The following PDE12 variants were observed in gnomAD, a reference collection of about 807,000 sequenced individuals.
PDE12 encodes the protein phosphodiesterase 12.
Under a neutral mutation model 45.4 loss-of-function variants are expected in PDE12, and 26 were observed. The ratio of observed to expected loss-of-function variants is 0.57; its 90% CI spans 0.42 to 0.79. The LOEUF (loss-of-function observed/expected upper bound fraction) is 0.79. Ranked by LOEUF, PDE12 falls within the 30% of genes least tolerant of loss-of-function variation. PDE12 has a pLI of 0.00. For missense variants in PDE12, 668 were observed against 790.0 expected (o/e 0.85, Z 1.85); for synonymous variants, 283 against 323.9 (o/e 0.87, Z 1.36).
At chr3:57,649,705 C>T in the PDE12 span, among the ~76,000 whole-genome samples, 1 of 150,190 alleles carries the variant, frequency 6.7e-6, no homozygotes, top group Non-Finnish European at 1.5e-5. Context: ...ATACTTTTCT[C>T]ATCTCCCCTG....
chr3:57,576,506 T>G, the PDE12 span, among the ~76,000 whole-genome samples: 1 of 96,888 alleles, frequency 1.0e-5, no homozygotes. Context: ...CAACCAAGCT[T>G]TTTTTTTTTT....
chr3:57,602,145 A>G, the PDE12 span, among the ~76,000 whole-genome samples: 1 of 152,142 alleles, frequency 6.6e-6, no homozygotes, highest in Non-Finnish European at 1.5e-5. Context: ...AGCACTTACA[A>G]TATGCCATTG....
rs766288857 is a variant in PDE12, at chr3:57,559,290, G to A, written c.1309-20G>A. ...TTTGCAAATGCCAACTGAACTCTTG[G>A]CACTTTCCGTTTATTTTAGGTTTCA... On this transcript the variant is annotated intron_variant, in intron 1 of 2. Coordinates refer to ENST00000311180, the MANE Select transcript of PDE12 (RefSeq NM_177966.7). 5 of 1,574,730 alleles carry A rather than the reference G, an allele frequency of 3.2e-6. No homozygotes were observed. In the South Asian group the frequency reaches 4.5e-5, roughly 14 times the overall value.
At chr3:57,623,089 T>C in the PDE12 span, among the ~76,000 whole-genome samples, 3 of 152,194 alleles carry the variant, frequency 2.0e-5, no homozygotes, top group African/African-American at 7.2e-5. Flanking sequence ...GTATGTCTAT[T>C]GTACCTCAAT....
the PDE12 span, among the ~76,000 whole-genome samples, chr3:57,575,132 G>T: frequency 8.0e-4 from 119 of 149,284 alleles, no homozygotes; most frequent in African/African-American, 2.4e-3. Flanking sequence ...TTACAGGCAT[G>T]AGCCACCGCA....
the PDE12 span, chr3:57,641,628 A>G: frequency 6.3e-7 from 1 of 1,592,162 alleles, no homozygotes; most frequent in Non-Finnish European, 8.6e-7. Flanking sequence ...CACACTAGAA[A>G]CAGAACACCA....
chr3:57,557,568 C>T lies in PDE12; in HGVS notation c.1189C>T (p.His397Tyr). The T allele has an allele frequency of 2.5e-6, 4 of 1,614,132 alleles. No individual in the cohort carries two copies. Among genetic ancestry groups the T allele is most frequent in the Non-Finnish European group, 3.4e-6 (4 of 1,180,050 alleles). The part of the protein sequence containing the change: ...RKSKFSLLSQ[H>Y]DISFYEALES... ...GTCTAAGTTCAGCCTTCTTAGCCAG[C>T]ATGACATTTCATTCTACGAAGCCCT... Residue 397 changes from histidine to tyrosine, a missense_variant, in exon 1 of 3, where the codon CAT (histidine) becomes TAT (tyrosine). This residue lies in a region of PDE12 where 580 missense variants were observed against 662.9 expected (regional missense o/e 0.87). Transcript: ENST00000311180.
the PDE12 span, among the ~76,000 whole-genome samples, chr3:57,572,638 T>C: frequency 6.6e-6 from 1 of 151,994 alleles, no homozygotes; most frequent in Non-Finnish European, 1.5e-5. Flanking sequence ...GCTGTGCCAC[T>C]GCACTCCAGC....
the PDE12 span, among the ~76,000 whole-genome samples, chr3:57,609,463 A>G: frequency 6.6e-6 from 1 of 152,168 alleles, no homozygotes; most frequent in African/African-American, 2.4e-5. Flanking sequence ...TTTTTTTGAA[A>G]AGATCAACAA....
the PDE12 span, chr3:57,628,106 C>CA: frequency 1.0e-5 from 15 of 1,485,052 alleles, no homozygotes; most frequent in Non-Finnish European, 1.2e-5. Context: ...GCATTCATGG[C>CA]AATTTTCCAC....
At chr3:57,599,067 C>T in the PDE12 span, among the ~76,000 whole-genome samples, 6 of 152,052 alleles carry the variant, frequency 3.9e-5, no homozygotes, top group Non-Finnish European at 7.4e-5. Context: ...GATCAGAGCA[C>T]GGTTTGGTTT....
chr3:57,583,138 C>G, the PDE12 span, among the ~76,000 whole-genome samples: 1 of 152,152 alleles, frequency 6.6e-6, no homozygotes, highest in South Asian at 2.1e-4. Flanking sequence ...AGATACCAGA[C>G]CAGTAGTATC....
At chr3:57,611,291 C>T in the PDE12 span, among the ~76,000 whole-genome samples, 3 of 152,098 alleles carry the variant, frequency 2.0e-5, no homozygotes, top group African/African-American at 7.2e-5. Context: ...TAGAAGAAAA[C>T]CTAGGCAATA....
At chr3:57,568,572 A>C (rs1259838154), downstream of PDE12, among the ~76,000 whole-genome samples, 1 of 151,918 alleles carries the variant, frequency 6.6e-6, no homozygotes, top group Non-Finnish European at 1.5e-5. Flanking sequence ...CTCTCCACAA[A>C]AGATACACTT....
the PDE12 span, among the ~76,000 whole-genome samples, chr3:57,649,939 AC>A: frequency 6.6e-6 from 1 of 151,476 alleles, no homozygotes; most frequent in Non-Finnish European, 1.5e-5. Flanking sequence ...ACACACACAC[AC>A]ACCGTGGAAT....
chr3:57,642,449 G>A, the PDE12 span, among the ~76,000 whole-genome samples: 6 of 151,986 alleles, frequency 3.9e-5, no homozygotes, highest in South Asian at 2.1e-4. Context: ...TTTGCCAAGT[G>A]GATGAGAGAG....
the PDE12 span, chr3:57,600,980 AT>A: frequency 6.6e-6 from 1 of 152,176 alleles, no homozygotes; most frequent in Non-Finnish European, 1.5e-5. Flanking sequence ...AAAAATTGCT[AT>A]AGTTTATTGA....
the PDE12 span, among the ~76,000 whole-genome samples, chr3:57,586,225 G>C: frequency 6.6e-6 from 1 of 151,936 alleles, no homozygotes; most frequent in Non-Finnish European, 1.5e-5. Flanking sequence ...TGGCCGCCTG[G>C]GTTTATCTTA....
the PDE12 span, among the ~76,000 whole-genome samples, chr3:57,580,454 T>G: frequency 6.6e-6 from 1 of 152,110 alleles, no homozygotes; most frequent in African/African-American, 2.4e-5. Context: ...CAGGCTGGAG[T>G]ACAGAGGCGC....
Sources: gnomAD v4.1 joint callset for allele counts (sites outside exome capture counted in the v4.1 genomes callset) on GRCh38, gnomAD v4.1.1 for gene constraint, gnomAD v4.1.1 regional missense constraint, MANE v1.5 for transcripts, NCBI Gene and HGNC (gene_info 2026-07-23, HGNC 2026-07-21) for gene names.